LRRTM4: variants seen among roughly 807,000 people sequenced by gnomAD.
The protein encoded by LRRTM4 is leucine-rich repeat transmembrane neuronal protein 4.
In LRRTM4, 25 loss-of-function variants were observed where a neutral mutation model predicts 47.6. The ratio of observed to expected loss-of-function variants is 0.53; its 90% CI spans 0.38 to 0.73. LRRTM4 has a LOEUF of 0.73. Ranked by LOEUF, LRRTM4 falls within the 30% of genes least tolerant of loss-of-function variation. LRRTM4 has a pLI of 0.00. For missense variants in LRRTM4, 638 were observed against 713.4 expected, an observed-to-expected ratio of 0.89 and a Z score of 1.20; for synonymous variants, 311 against 269.5, an observed-to-expected ratio of 1.15 and a Z score of -1.51.
At chr2:77,018,303 G>A (rs1263884155) in intron 3 of LRRTM4, among the ~76,000 whole-genome samples, 2 of 119,346 alleles carry the variant, frequency 1.7e-5, no homozygotes, top group Non-Finnish European at 3.3e-5. Flanking sequence ...CTGACTGTGA[G>A]CTGGTGAAAA....
rs531679225 is a variant in LRRTM4 at position 76,921,952 on chromosome 2, C to T, written c.1552-173036G>A. 1.4e-3 allele frequency among the ~76,000 whole-genome samples: 213 copies of T among 152,140 alleles called. 1 individual carries two copies. Among genetic ancestry groups the T allele is most frequent in the African/African-American group, 4.9e-3 (204 of 41,526 alleles). ...ATCTGAAGAGATATTTGCATTTTCA[C>T]GTTCATTGCAGCATTATTCACAATA... On this transcript the variant is annotated intron_variant, in intron 3 of 3. Transcript: ENST00000409884.
intron 3 of LRRTM4, among the ~76,000 whole-genome samples, chr2:76,870,254 G>C (rs1016639934): frequency 1.3e-5 from 2 of 152,090 alleles, no homozygotes; most frequent in African/African-American, 4.8e-5. Flanking sequence ...ATTGCATTTG[G>C]ATCTGTGAAG....
chr2:76,779,429 A>G (rs1268728532), intron 3 of LRRTM4, among the ~76,000 whole-genome samples: 1 of 149,332 alleles, frequency 6.7e-6, no homozygotes, highest in East Asian at 1.9e-4. Context: ...GACTTGCTTT[A>G]TGAATCTGGG....
chr2:77,508,698 CAATA>C (rs891355445), intron 3 of LRRTM4, among the ~76,000 whole-genome samples: 18 of 151,602 alleles, frequency 1.2e-4, no homozygotes, highest in Non-Finnish European at 2.9e-5. Flanking sequence ...ACTATGGGGA[CAATA>C]ATAAGAATGA....
chr2:77,437,099 G>A (rs900846123), intron 3 of LRRTM4, among the ~76,000 whole-genome samples: 1 of 151,970 alleles, frequency 6.6e-6, no homozygotes, highest in Non-Finnish European at 1.5e-5. Flanking sequence ...AATTTGCTAA[G>A]GGTAGCCATT....
At chr2:77,130,467 GTTA>G (rs1334736069) in intron 3 of LRRTM4, among the ~76,000 whole-genome samples, 1 of 151,900 alleles carries the variant, frequency 6.6e-6, no homozygotes, top group African/African-American at 2.4e-5. Context: ...TAAAACTAAT[GTTA>G]TTATTTTTGT....
At chr2:76,780,810 G>A (rs980910145) in intron 3 of LRRTM4, among the ~76,000 whole-genome samples, 20 of 152,142 alleles carry the variant, frequency 1.3e-4, no homozygotes, top group African/African-American at 3.6e-4. Flanking sequence ...GAGGAACTGC[G>A]TTCCTTTGGA....
chr2:76,944,320 A>T (rs947935061), intron 3 of LRRTM4, among the ~76,000 whole-genome samples: 19 of 151,890 alleles, frequency 1.3e-4, no homozygotes, highest in Non-Finnish European at 1.0e-4. Flanking sequence ...TCTGTATAAA[A>T]TTTTTTCTTA....
chr2:76,947,023 T>C (rs1675344327), intron 3 of LRRTM4, among the ~76,000 whole-genome samples: 1 of 151,710 alleles, frequency 6.6e-6, no homozygotes, highest in Non-Finnish European at 1.5e-5. Flanking sequence ...AACCAATAAA[T>C]AAAGATGTAG....
intron 3 of LRRTM4, among the ~76,000 whole-genome samples, chr2:77,225,054 G>A (rs1260281869): frequency 6.6e-6 from 1 of 152,012 alleles, no homozygotes; most frequent in Non-Finnish European, 1.5e-5. Context: ...ATGAGTTCAT[G>A]CCCTTTGTAG....
At chr2:77,073,109 T>C (rs1047090592) in intron 3 of LRRTM4, among the ~76,000 whole-genome samples, 7 of 151,878 alleles carry the variant, frequency 4.6e-5, no homozygotes, top group African/African-American at 1.4e-4. Context: ...GATCTCCAGG[T>C]GATTCATACA....
At chr2:77,293,922 T>A (rs1440508198) in intron 3 of LRRTM4, among the ~76,000 whole-genome samples, 1 of 152,122 alleles carries the variant, frequency 6.6e-6, no homozygotes, top group African/African-American at 2.4e-5. Context: ...TAAACAGTGT[T>A]GAATATATAT....
At chr2:76,986,420 C>A (rs1199871072) in intron 3 of LRRTM4, among the ~76,000 whole-genome samples, 1 of 151,946 alleles carries the variant, frequency 6.6e-6, no homozygotes, top group Non-Finnish European at 1.5e-5. Flanking sequence ...GCCCTCCCTG[C>A]ATAGGTCAGA....
At chr2:77,382,847 C>T (rs772817761) in intron 3 of LRRTM4, among the ~76,000 whole-genome samples, 12 of 151,906 alleles carry the variant, frequency 7.9e-5, no homozygotes, top group South Asian at 4.1e-4. Context: ...TGAAAATGGG[C>T]CGGTTGGTGA....
At chr2:77,221,718 G>A (rs1200064099) in intron 3 of LRRTM4, among the ~76,000 whole-genome samples, 6 of 152,082 alleles carry the variant, frequency 3.9e-5, no homozygotes, top group African/African-American at 1.4e-4. Flanking sequence ...AGTCCTGAGT[G>A]ACCTACAAAG....
chr2:77,160,502 T>TA (rs70939846), intron 3 of LRRTM4, among the ~76,000 whole-genome samples: 76,635 of 149,154 alleles, frequency 0.51, 20,218 homozygotes, highest in Admixed American at 0.61. Flanking sequence ...GTTTAATATT[T>TA]AAAAAAAAAA....
intron 3 of LRRTM4, among the ~76,000 whole-genome samples, chr2:77,093,879 C>G (rs972363054): frequency 4.0e-5 from 6 of 151,874 alleles, no homozygotes; most frequent in Non-Finnish European, 7.4e-5. Context: ...CCTGGCTCAT[C>G]CTGGCTCAAA....
intron 3 of LRRTM4, among the ~76,000 whole-genome samples, chr2:77,175,776 A>AC (rs1274210874): frequency 1.3e-5 from 2 of 150,666 alleles, no homozygotes; most frequent in Non-Finnish European, 2.9e-5. Flanking sequence ...AGACTTTGTC[A>AC]CCCCCACACC....
chr2:77,295,798 A>C (rs1312318443), intron 3 of LRRTM4, among the ~76,000 whole-genome samples: 3 of 151,440 alleles, frequency 2.0e-5, no homozygotes, highest in Non-Finnish European at 2.9e-5. Context: ...CAATCATATT[A>C]GATGAGGGCC....
Sources: allele counts gnomAD v4.1 joint callset (sites outside exome capture counted in the v4.1 genomes callset), GRCh38; gene constraint gnomAD v4.1.1; transcripts MANE v1.5; gene names NCBI Gene and HGNC (gene_info 2026-07-23, HGNC 2026-07-21).